PPAT: variants seen among roughly 807,000 people sequenced by gnomAD.
The protein encoded by PPAT is phosphoribosyl pyrophosphate amidotransferase.
In PPAT, 20 loss-of-function variants were observed where a neutral mutation model predicts 60.2. The observed-to-expected ratio is 0.33, with a 90% CI of 0.23 to 0.48. The LOEUF (loss-of-function observed/expected upper bound fraction) is 0.48, where lower values mean the gene tolerates loss of function less well. PPAT is among the 20% of genes least tolerant of loss of function. The pLI is 0.99. For missense variants in PPAT, 349 were observed against 629.6 expected (o/e 0.55, Z 4.77); for synonymous variants, 194 against 215.1 (o/e 0.90, Z 0.86).
At chr4:56,408,221 A>T (rs1236136854) in intron 1 of PPAT, 2 of 153,648 alleles carry the variant, frequency 1.3e-5, no homozygotes, top group Admixed American at 6.5e-5. Flanking sequence ...GCGGATTACA[A>T]GGTCAAGGCT....
rs1325877652 is a variant in PPAT at position 56,402,111 on chromosome 4, T to C, written c.732A>G (p.Ala244=). The C allele has an allele frequency of 1.9e-6, 3 of 1,590,698 alleles. No individual in the cohort carries two copies. The highest frequency in any genetic ancestry group is 2.6e-6 in the Non-Finnish European group (3 of 1,162,628). ...SESCSFLSIG[A]RYYREVLPGE... Reference sequence around the variant, plus strand: ...ATGTCAAACAAGGTAAAACTTACCTTGCACCAATAGATAAGAAGCTACAAG... The same window carrying C: ...ATGTCAAACAAGGTAAAACTTACCTCGCACCAATAGATAAGAAGCTACAAG... The change falls in exon 6 of 11, where the codon GCA becomes GCG. Residue 244 remains alanine, a splice_region_variant and synonymous_variant. Coordinates refer to ENST00000264220, the MANE Select transcript of PPAT (RefSeq NM_002703.5).
chr4:56,423,791 A>C (rs915027281), intron 1 of PPAT, among the ~76,000 whole-genome samples: 13 of 152,192 alleles, frequency 8.5e-5, no homozygotes, highest in African/African-American at 3.1e-4. Flanking sequence ...TGAAAATTCA[A>C]AGCAAAGATA....
chr4:56,428,361 A>C (rs1393243806), intron 1 of PPAT, among the ~76,000 whole-genome samples: 1 of 152,218 alleles, frequency 6.6e-6, no homozygotes, highest in East Asian at 1.9e-4. Flanking sequence ...CTGATGAAAA[A>C]ATTAAGCGAA....
chr4:56,408,792 T>A (rs1578119206), intron 1 of PPAT, among the ~76,000 whole-genome samples: 1 of 151,780 alleles, frequency 6.6e-6, no homozygotes, highest in Non-Finnish European at 1.5e-5. Context: ...TGTTTTGTTG[T>A]CCTGCTTTGC....
At chr4:56,427,100 T>G (rs1230944747) in intron 1 of PPAT, among the ~76,000 whole-genome samples, 1 of 152,246 alleles carries the variant, frequency 6.6e-6, no homozygotes, top group African/African-American at 2.4e-5. Flanking sequence ...TTCCATTGTA[T>G]GGATACACCA....
intron 1 of PPAT, among the ~76,000 whole-genome samples, chr4:56,427,740 T>G (rs1396539248): frequency 6.6e-6 from 1 of 152,122 alleles, no homozygotes; most frequent in Non-Finnish European, 1.5e-5. Flanking sequence ...GAAAGCATTG[T>G]GGAGTATGCC....
intron 8 of PPAT, chr4:56,399,988 C>T (rs1210304485): frequency 6.6e-6 from 1 of 152,242 alleles, no homozygotes; most frequent in Non-Finnish European, 1.5e-5. Flanking sequence ...ATTACCCATA[C>T]TTAGTAGCAA....
chr4:56,431,891 G>A (rs536276374), intron 1 of PPAT, among the ~76,000 whole-genome samples: 1 of 152,276 alleles, frequency 6.6e-6, no homozygotes, highest in African/African-American at 2.4e-5. Flanking sequence ...TATAAATCAG[G>A]CATGAACATA....
At chr4:56,417,525 T>C (rs2110053516) in intron 1 of PPAT, among the ~76,000 whole-genome samples, 1 of 152,308 alleles carries the variant, frequency 6.6e-6, no homozygotes, top group Non-Finnish European at 1.5e-5. Flanking sequence ...CTCACACCTG[T>C]AACCCCAGTA....
chr4:56,401,008 TA>T, intron 7 of PPAT, 97 bp from the exon 8 acceptor site: 2 of 1,230,974 alleles, frequency 1.6e-6, no homozygotes, highest in Non-Finnish European at 2.3e-6. Flanking sequence ...AGATTGAGTA[TA>T]AAAAGAAATG....
intron 1 of PPAT, 65 bp downstream of exon 1, chr4:56,435,285 G>T (rs948127213): frequency 6.2e-7 from 1 of 1,602,264 alleles, no homozygotes; most frequent in South Asian, 1.1e-5. Context: ...TGAGAACGCC[G>T]ACTGCGGGAA....
At chr4:56,424,305 G>A (rs2049090) in intron 1 of PPAT, among the ~76,000 whole-genome samples, 150,000 of 152,284 alleles carry the variant, frequency 0.99, 73,925 homozygotes, top group Middle Eastern at 1. Flanking sequence ...ACTTCTGAAG[G>A]TTTTGATCTA....
At chr4:56,399,590 G>C (rs111983206) in intron 8 of PPAT, 190 bp from the exon 9 acceptor site, 1 of 519,650 alleles carries the variant, frequency 1.9e-6, no homozygotes, top group African/African-American at 1.9e-5. Context: ...TTCATTTTGT[G>C]AGGACTCATA....
rs1400917249 is a variant in PPAT, at chr4:56,396,703, G to C, written c.1273C>G (p.Pro425Ala). 2 of 1,611,950 alleles carry C rather than the reference G, an allele frequency of 1.2e-6. No individual in the cohort carries two copies. Among genetic ancestry groups the C allele is most frequent in the Non-Finnish European group, 1.7e-6 (2 of 1,178,452 alleles). ...IRVASPPIKY[P>A]CFMGINIPTK... is the part of the protein sequence containing the mutation. ...GGAATGTTTATTCCCATGAAGCATGGATATTTAATTGGTGGTGAAGCTACT... is the reference window on the plus strand; with the variant it reads ...GGAATGTTTATTCCCATGAAGCATGCATATTTAATTGGTGGTGAAGCTACT... Residue 425 changes from proline (P) to alanine (A), a missense_variant, in exon 10 of 11, where the codon CCA (proline) becomes GCA (alanine). This residue lies in a region of PPAT where 167 missense variants were observed against 328.6 expected (regional missense o/e 0.51). Coordinates refer to ENST00000264220, the MANE Select transcript of PPAT (RefSeq NM_002703.5). This position sits in a 1 kb window ranked among gnomAD's most constrained non-coding sequence, Gnocchi z 4.6.
chr4:56,426,222 G>A (rs1415080545), intron 1 of PPAT, among the ~76,000 whole-genome samples: 1 of 152,080 alleles, frequency 6.6e-6, no homozygotes, highest in Non-Finnish European at 1.5e-5. Context: ...CCAACATGGT[G>A]AAACCCCATC....
intron 5 of PPAT, 46 bp downstream of exon 5, chr4:56,402,994 T>C (rs1487266777): frequency 6.6e-7 from 1 of 1,519,248 alleles, no homozygotes; most frequent in Non-Finnish European, 8.9e-7. Flanking sequence ...AGTAGGACAA[T>C]AATGGAAAAA....
chr4:56,412,913 T>C (rs1335934739), intron 1 of PPAT, among the ~76,000 whole-genome samples: 2 of 152,190 alleles, frequency 1.3e-5, no homozygotes, highest in African/African-American at 4.8e-5. Context: ...AACATTTTGG[T>C]TGCATTAAAA....
chr4:56,399,380 C>T lies in PPAT; in HGVS notation c.1035G>A (p.Glu345=), dbSNP rs766776716. The T allele has an allele frequency of 1.2e-6, 2 of 1,613,456 alleles. No individual in the cohort carries two copies. The highest frequency in any genetic ancestry group is 1.1e-5 in the South Asian group (1 of 91,054). ...YAGKCGLPYV[E]VLCKNRYVGR... ...CTACATACCGGTTTTTACACAGCAC[C>T]TCCACATATGGAAGTCCACACTGAT... Residue 345 remains glutamate, a synonymous_variant, in exon 9 of 11, where the codon GAG becomes GAA. Coordinates refer to ENST00000264220, the MANE Select transcript of PPAT (RefSeq NM_002703.5).
intron 1 of PPAT, among the ~76,000 whole-genome samples, chr4:56,428,376 T>A (rs1182555105): frequency 6.6e-6 from 1 of 152,132 alleles, no homozygotes; most frequent in Non-Finnish European, 1.5e-5. Flanking sequence ...AGCGAATGCT[T>A]GAAGGGGCCA....
Sources: allele counts gnomAD v4.1 joint callset (sites outside exome capture counted in the v4.1 genomes callset), GRCh38; gene constraint gnomAD v4.1.1; regional missense constraint gnomAD v4.1.1; non-coding constraint Gnocchi (gnomAD v3.1); transcripts MANE v1.5; gene names NCBI Gene and HGNC (gene_info 2026-07-23, HGNC 2026-07-21).